Variants in SLC22A3 observed in about 807,000 individuals in gnomAD.
The protein encoded by SLC22A3 is EMT organic cation transporter 3.
In SLC22A3, 51 loss-of-function variants were observed where a neutral mutation model predicts 59.1. That is an observed-to-expected ratio of 0.86 (90% CI 0.69 to 1.09). The LOEUF (loss-of-function observed/expected upper bound fraction) is 1.09. Ranked by LOEUF, SLC22A3 falls within the 50% of genes least tolerant of loss-of-function variation. SLC22A3 has a pLI of 0.00. For synonymous variants in SLC22A3, 325 were observed against 292.0 expected (o/e 1.11, Z -1.15); for missense variants, 711 against 726.3 (o/e 0.98, Z 0.24).
chr6:160,386,421 T>C (rs1786019175), intron 1 of SLC22A3, among the ~76,000 whole-genome samples: 1 of 152,258 alleles, frequency 6.6e-6, no homozygotes, highest in Non-Finnish European at 1.5e-5. Flanking sequence ...GGGTATCTCT[T>C]TGAGTGAGAT....
intron 5 of SLC22A3, chr6:160,425,862 T>C: frequency 1.0e-6 from 1 of 985,434 alleles, no homozygotes; most frequent in Non-Finnish European, 1.2e-6. Context: ...TTAATTACCA[T>C]GGCCCAGAGA....
At chr6:160,381,088 C>A (rs1449938313) in intron 1 of SLC22A3, among the ~76,000 whole-genome samples, 1 of 152,144 alleles carries the variant, frequency 6.6e-6, no homozygotes, top group African/African-American at 2.4e-5. Context: ...AAAGCCCAAA[C>A]TTTATTCTGT....
At chr6:160,436,946 G>C in intron 6 of SLC22A3, 51 bp from the exon 7 acceptor site, 1 of 1,609,634 alleles carries the variant, frequency 6.2e-7, no homozygotes, top group Non-Finnish European at 8.5e-7. Flanking sequence ...CTTCAAATCA[G>C]CTTGAAGTTA....
intron 7 of SLC22A3, 151 bp from the exon 8 acceptor site, chr6:160,442,610 G>A (rs1788588463): frequency 1.4e-6 from 1 of 706,568 alleles, no homozygotes; most frequent in Non-Finnish European, 2.6e-6. Context: ...GTTGAAATTT[G>A]GTTACATTAT....
intron 1 of SLC22A3, among the ~76,000 whole-genome samples, chr6:160,365,631 A>G (rs1427668315): frequency 6.6e-6 from 1 of 152,200 alleles, no homozygotes; most frequent in African/African-American, 2.4e-5. Context: ...CTAACCTTAC[A>G]CTTGAACAAA....
At chr6:160,349,002 C>T in intron 1 of SLC22A3, 154 bp downstream of exon 1, 2 of 985,444 alleles carry the variant, frequency 2.0e-6, no homozygotes, top group Non-Finnish European at 2.4e-6. Context: ...TCAGCGCACC[C>T]TTGGAAGTGC....
At chr6:160,358,184 C>T (rs944375914) in intron 1 of SLC22A3, among the ~76,000 whole-genome samples, 4 of 152,140 alleles carry the variant, frequency 2.6e-5, no homozygotes, top group Non-Finnish European at 5.9e-5. Context: ...TGGCTAAGAA[C>T]GTAGACTTCC....
At chr6:160,379,137 A>G (rs1785704404) in intron 1 of SLC22A3, among the ~76,000 whole-genome samples, 1 of 152,204 alleles carries the variant, frequency 6.6e-6, no homozygotes, top group Non-Finnish European at 1.5e-5. Context: ...ACTCAGCATC[A>G]TGCCCTCACA....
intron 5 of SLC22A3, among the ~76,000 whole-genome samples, chr6:160,429,522 G>A (rs1010115732): frequency 6.6e-6 from 1 of 152,164 alleles, no homozygotes; most frequent in Non-Finnish European, 1.5e-5. Flanking sequence ...CCAGGTGGAA[G>A]TAAACAATGG....
intron 1 of SLC22A3, among the ~76,000 whole-genome samples, chr6:160,386,371 G>A (rs1510228): frequency 0.84 from 128,077 of 152,310 alleles, 54,433 homozygotes; most frequent in East Asian, 1. Flanking sequence ...TTGTGACTTT[G>A]TCCCCAATTG....
At chr6:160,371,222 G>A (rs1785386741) in intron 1 of SLC22A3, among the ~76,000 whole-genome samples, 1 of 152,140 alleles carries the variant, frequency 6.6e-6, no homozygotes, top group Non-Finnish European at 1.5e-5. Context: ...TGGGATATGT[G>A]TGCAGAACAT....
At position 160,451,630 on chromosome 6, in the gene SLC22A3, G is replaced by A. The variant is rs1308030125; in HGVS notation, c.*574G>A. Reference sequence around the variant, plus strand: ...CTCACCTTGGTTTCCGCACACCTTCGCAATGTGAACAGGTCAGGAGTCCCT... The same window carrying A: ...CTCACCTTGGTTTCCGCACACCTTCACAATGTGAACAGGTCAGGAGTCCCT... On this transcript the variant is annotated 3_prime_UTR_variant, in exon 11 of 11. Transcript: ENST00000275300. The A allele has an allele frequency of 1.3e-5, 2 of 157,828 alleles. No individual in the cohort carries two copies. The highest frequency in any genetic ancestry group is 2.4e-5 in the African/African-American group (1 of 41,462). 9.8% of individuals were successfully genotyped at this position (157,828 alleles called of 1,614,324 possible). A position where few individuals can be genotyped will look rare whatever the true frequency, so the allele number is the denominator to read the frequency against.
At chr6:160,372,175 T>C (rs529327285) in intron 1 of SLC22A3, among the ~76,000 whole-genome samples, 2 of 152,346 alleles carry the variant, frequency 1.3e-5, no homozygotes, top group Admixed American at 6.5e-5. Context: ...TGTACATATA[T>C]ATTTAGGATA....
chr6:160,410,303 C>T (rs1787193854), intron 4 of SLC22A3, among the ~76,000 whole-genome samples: 1 of 152,220 alleles, frequency 6.6e-6, no homozygotes, highest in Non-Finnish European at 1.5e-5. Flanking sequence ...AGGCCTGAGC[C>T]ACCACACCCA....
intron 2 of SLC22A3, among the ~76,000 whole-genome samples, chr6:160,399,747 G>T (rs555278418): frequency 6.6e-6 from 1 of 152,262 alleles, no homozygotes; most frequent in South Asian, 2.1e-4. Context: ...CTGGTTTCCT[G>T]TTCAGCCTAT....
chr6:160,387,317 A>C (rs1468379073), intron 1 of SLC22A3, among the ~76,000 whole-genome samples: 4 of 152,186 alleles, frequency 2.6e-5, no homozygotes, highest in Non-Finnish European at 5.9e-5. Flanking sequence ...AGGAGGCCAA[A>C]GACAAACTCT....
intron 7 of SLC22A3, among the ~76,000 whole-genome samples, chr6:160,441,194 ATCGG>A (rs1416298467): frequency 6.6e-6 from 1 of 152,144 alleles, no homozygotes; most frequent in East Asian, 1.9e-4. Flanking sequence ...AGATGGTCCC[ATCGG>A]GCTGGGACCC....
In SLC22A3 at chr6:160,415,166, T is replaced by C. The variant is rs934453489; in HGVS notation, c.975+4320T>C. 6.6e-6 allele frequency among the ~76,000 whole-genome samples: 1 copy of C among 152,210 alleles called. No individual in the cohort carries two copies. Among genetic ancestry groups the C allele is most frequent in the Non-Finnish European group, 1.5e-5 (1 of 68,044 alleles). On this transcript the variant is annotated intron_variant, in intron 5 of 10. Transcript: ENST00000275300. The surrounding 1 kb of genome is among the most constrained non-coding windows in gnomAD (Gnocchi z 4.1). ...CAAAGTGTTATCTTCAAGAGAAGGA[T>C]TTAACATTTAAGTTTAAAACACCTT...
chr6:160,447,049 T>C (rs1218366197), intron 9 of SLC22A3, among the ~76,000 whole-genome samples: 1 of 152,142 alleles, frequency 6.6e-6, no homozygotes, highest in East Asian at 1.9e-4. Context: ...ACCACTAGGC[T>C]ACAAAGAAGT....
Sources: allele counts gnomAD v4.1 joint callset (sites outside exome capture counted in the v4.1 genomes callset), GRCh38; gene constraint gnomAD v4.1.1; non-coding constraint Gnocchi (gnomAD v3.1); transcripts MANE v1.5; gene names NCBI Gene and HGNC (gene_info 2026-07-23, HGNC 2026-07-21).